The following PYROXD2 variants were observed in gnomAD, a reference collection of about 807,000 sequenced individuals.
The protein encoded by PYROXD2 is pyridine nucleotide-disulfide oxidoreductase domain-containing protein 2.
A neutral mutation model predicts 71.1 loss-of-function variants in PYROXD2; 69 were observed. The observed-to-expected ratio is 0.97, with a 90% CI of 0.80 to 1.19. The LOEUF is 1.19. PYROXD2 is among the 50% of genes most tolerant of loss of function. The pLI is 0.00. For missense variants in PYROXD2, 745 were observed against 748.9 expected (o/e 0.99, Z 0.06); for synonymous variants, 287 against 302.7 (o/e 0.95, Z 0.54).
chr10:98,397,612 G>A lies in PYROXD2; in HGVS notation c.472-114C>T, dbSNP rs564427722. 2.5e-3 allele frequency: 3,236 copies of A among 1,305,486 alleles called. 7 individuals carry two copies. The highest frequency in any genetic ancestry group is 3.0e-3 in the Non-Finnish European group (3,001 of 992,262). 80.9% of individuals were successfully genotyped at this position (1,305,486 alleles called of 1,614,324 possible). On this transcript the variant is annotated intron_variant, in intron 5 of 15. Transcript: ENST00000370575. ...GACGGTTCCTCAGGCCTCATTCCCC[G>A]CTGTGGCCCAGCTTGGCTCTGTTGA...
intron 10 of PYROXD2, among the ~76,000 whole-genome samples, chr10:98,392,020 T>G (rs1016898112): frequency 6.6e-6 from 1 of 152,232 alleles, no homozygotes; most frequent in African/African-American, 2.4e-5. Flanking sequence ...GTGCCAGTAT[T>G]TCTTGTTGTA....
intron 2 of PYROXD2, among the ~76,000 whole-genome samples, chr10:98,408,617 G>A (rs1259256067): frequency 1.3e-5 from 2 of 152,170 alleles, no homozygotes; most frequent in Non-Finnish European, 2.9e-5. Context: ...TAAATGAAGC[G>A]GTTCATAGCA....
At chr10:98,405,636 G>T (rs1228730150) in intron 4 of PYROXD2, among the ~76,000 whole-genome samples, 1 of 152,220 alleles carries the variant, frequency 6.6e-6, no homozygotes, top group Admixed American at 6.5e-5. Flanking sequence ...GAGCAGGGAG[G>T]CAGACGCAGC....
intron 13 of PYROXD2, among the ~76,000 whole-genome samples, chr10:98,387,609 C>A (rs943850330): frequency 6.8e-6 from 1 of 147,824 alleles, no homozygotes; most frequent in African/African-American, 2.5e-5. Flanking sequence ...TTCACCTCTT[C>A]ACTTTTCTCA....
chr10:98,403,304 C>A (rs1039465182), intron 4 of PYROXD2, among the ~76,000 whole-genome samples: 1 of 152,240 alleles, frequency 6.6e-6, no homozygotes, highest in Non-Finnish European at 1.5e-5. Flanking sequence ...TCCGCTGCCT[C>A]CAGAATCTGT....
At chr10:98,396,171 G>T (rs12265561) in intron 6 of PYROXD2, among the ~76,000 whole-genome samples, 2,137 of 152,308 alleles carry the variant, frequency 0.014, 51 homozygotes, top group African/African-American at 0.049. Context: ...TAACCTGCCT[G>T]GCTCCTTGGC....
At chr10:98,414,170 C>T (rs766138001) in intron 1 of PYROXD2, 2 of 152,046 alleles carry the variant, frequency 1.3e-5, no homozygotes, top group African/African-American at 4.8e-5. Flanking sequence ...TCTACCAGCT[C>T]GCAACTGCTC....
At chr10:98,404,312 T>G (rs1843520706) in intron 4 of PYROXD2, among the ~76,000 whole-genome samples, 1 of 152,238 alleles carries the variant, frequency 6.6e-6, no homozygotes, top group African/African-American at 2.4e-5. Context: ...TTTCACTTTC[T>G]GTCTATAAAT....
At chr10:98,388,134 T>C in intron 13 of PYROXD2, 2 of 569,650 alleles carry the variant, frequency 3.5e-6, no homozygotes. Context: ...TGCTAGACTG[T>C]GAGCAACTGG....
chr10:98,407,669 C>G lies in PYROXD2; in HGVS notation c.242-14G>C, dbSNP rs771726099. The G allele has an allele frequency of 6.2e-7, 1 of 1,613,718 alleles. No individual in the cohort carries two copies. On this transcript the variant is annotated splice_polypyrimidine_tract_variant and intron_variant, in intron 3 of 15. Coordinates refer to ENST00000370575, the MANE Select transcript of PYROXD2 (RefSeq NM_032709.3). ...AGAACTTAAACCCTGAAACCGAATC[C>G]GATGAAGACTGTCACCAGGGGTCAC... is the stretch of plus-strand genomic sequence containing the variant.
At chr10:98,405,909 T>C (rs1843581675) in intron 4 of PYROXD2, among the ~76,000 whole-genome samples, 1 of 152,238 alleles carries the variant, frequency 6.6e-6, no homozygotes, top group African/African-American at 2.4e-5. Context: ...ATAACATGGC[T>C]CTTGACTTAC....
chr10:98,411,493 GTTTTT>G (rs34431381), intron 1 of PYROXD2: 12 of 144,312 alleles, frequency 8.3e-5, no homozygotes, highest in South Asian at 4.2e-4. Context: ...ATTCACATGG[GTTTTT>G]TTTTTTTTTG....
At chr10:98,411,357 G>T in intron 1 of PYROXD2, 1 of 227,418 alleles carries the variant, frequency 4.4e-6, no homozygotes, top group Non-Finnish European at 8.6e-6. Context: ...CTGCGCCAAC[G>T]TCCCGTCTCG....
At chr10:98,389,194 G>A (rs755126) in intron 12 of PYROXD2, among the ~76,000 whole-genome samples, 65,856 of 151,680 alleles carry the variant, frequency 0.43, 14,951 homozygotes, top group African/African-American at 0.55. Flanking sequence ...CACCCCCACC[G>A]CCTCTTCCTC....
Position 98,397,509 on chromosome 10 carries a change from G to A in PYROXD2, c.472-11C>T. 1 of 1,585,178 alleles carries A rather than the reference G, an allele frequency of 6.3e-7. No individual in the cohort carries two copies. The highest frequency in any genetic ancestry group is 8.6e-7 in the Non-Finnish European group (1 of 1,161,210). On this transcript the variant is annotated splice_polypyrimidine_tract_variant and intron_variant, in intron 5 of 15. Coordinates refer to ENST00000370575, the MANE Select transcript of PYROXD2 (RefSeq NM_032709.3). ...ATATTTGGGAAAGACCTGGAACAGA[G>A]CTCTGCATTAAGGCCCCACTGTCCA...
chr10:98,385,100 G>C lies in PYROXD2; in HGVS notation c.1555-33C>G, dbSNP rs769005384. 10 of 1,612,172 alleles carry C rather than the reference G, an allele frequency of 6.2e-6. No homozygotes were observed. The Admixed American group carries it at 1.7e-4, about 27-fold the overall frequency. On this transcript the variant is annotated intron_variant, in intron 14 of 15. Transcript: ENST00000370575. ...GGCAGGGCCACAGTCATCAGCACAG[G>C]AGAGTTACAGCCTTTCCTGCTCTGG...
At chr10:98,395,660 C>T (rs774917574) in intron 6 of PYROXD2, among the ~76,000 whole-genome samples, 3 of 152,184 alleles carry the variant, frequency 2.0e-5, no homozygotes, top group Non-Finnish European at 4.4e-5. Flanking sequence ...CATCTCTGAA[C>T]CTGCTTCTTT....
chr10:98,399,616 T>C (rs17109650), intron 5 of PYROXD2, among the ~76,000 whole-genome samples: 8,022 of 152,320 alleles, frequency 0.053, 236 homozygotes, highest in East Asian at 0.12. Flanking sequence ...GGAGGGAGCC[T>C]TGGGATGCCA....
Position 98,392,573 on chromosome 10 carries a change from C to T in PYROXD2, c.928-7G>A. 6.2e-7 allele frequency: 1 copy of T among 1,609,506 alleles called. No individual in the cohort carries two copies. Among genetic ancestry groups the T allele is most frequent in the Non-Finnish European group, 8.5e-7 (1 of 1,179,876 alleles). ...CCTGCACCTTCGCCACTGTCTAGAG[C>T]CCACCAGAACAAGGCCCCAGAAACC... On this transcript the variant is annotated splice_region_variant and splice_polypyrimidine_tract_variant and intron_variant, in intron 9 of 15. Coordinates refer to ENST00000370575, the MANE Select transcript of PYROXD2 (RefSeq NM_032709.3).
Sources: allele counts gnomAD v4.1 joint callset (sites outside exome capture counted in the v4.1 genomes callset), GRCh38; gene constraint gnomAD v4.1.1; transcripts MANE v1.5; gene names NCBI Gene and HGNC (gene_info 2026-07-23, HGNC 2026-07-21).